The following FAR2 variants were observed in gnomAD, a reference collection of about 807,000 sequenced individuals.
FAR2 encodes fatty acyl-CoA reductase 2, also known as epididymis secretory protein Li 81.
A neutral mutation model predicts 56.0 loss-of-function variants in FAR2; 19 were observed. The ratio of observed to expected loss-of-function variants is 0.34; its 90% confidence interval spans 0.24 to 0.50. FAR2 has a LOEUF of 0.50. Among genes scored for constraint, FAR2 ranks in the 20% least tolerant of loss-of-function variants. The pLI, the probability that FAR2 is intolerant of heterozygous loss-of-function variation, is 0.98. For synonymous variants in FAR2, 219 were observed against 218.8 expected, an observed-to-expected ratio of 1.00 and a Z score of -0.01; for missense variants, 508 against 642.2, an observed-to-expected ratio of 0.79 and a Z score of 2.26.
At chr12:29,179,997 A>G (rs950015782) in intron 1 of FAR2, among the ~76,000 whole-genome samples, 1 of 152,332 alleles carries the variant, frequency 6.6e-6, no homozygotes, top group African/African-American at 2.4e-5. Flanking sequence ...TTGGGTGTTT[A>G]TCTCATATTT....
rs189984862 is a variant in FAR2, at chr12:29,168,361, G to T, written c.-39+18954G>T. Among the ~76,000 whole-genome samples, 3 of 152,194 alleles carry T rather than the reference G, an allele frequency of 2.0e-5. No individual in the cohort carries two copies. In the East Asian group the frequency reaches 5.8e-4, roughly 29 times the overall value. On this transcript the variant is annotated intron_variant, in intron 1 of 11. Transcript: ENST00000536681. ...ATATTTCTGGTCAGCTCATTTCTGG[G>T]GATGGAGAGCAGTGTGCTTACTGAC...
chr12:29,157,545 C>G (rs543277370), intron 1 of FAR2, among the ~76,000 whole-genome samples: 1 of 152,282 alleles, frequency 6.6e-6, no homozygotes, highest in East Asian at 1.9e-4. Flanking sequence ...ATCCTTCCAT[C>G]TTAGCTGGGA....
chr12:29,282,116 C>G (rs922328173), intron 2 of FAR2: 2 of 152,126 alleles, frequency 1.3e-5, no homozygotes, highest in Admixed American at 1.3e-4. Flanking sequence ...CCTTTACCCC[C>G]TCCCCCATAT....
chr12:29,313,235 A>G (rs1280718076), intron 8 of FAR2, among the ~76,000 whole-genome samples: 3 of 152,164 alleles, frequency 2.0e-5, no homozygotes, highest in African/African-American at 7.2e-5. Context: ...GTCGGTGAAC[A>G]TGGGATATCA....
chr12:29,333,659 T>C lies in FAR2; in HGVS notation c.1413T>C (p.Asn471=), dbSNP rs776560189. 2.5e-6 allele frequency: 4 copies of C among 1,613,850 alleles called. No homozygotes were observed. The highest frequency in any genetic ancestry group is 1.1e-5 in the South Asian group (1 of 91,056). Residue 471 remains asparagine, a synonymous_variant, in exon 12 of 12, where the codon AAT becomes AAC. Coordinates refer to ENST00000536681, the MANE Select transcript of FAR2 (RefSeq NM_001271783.2). ...TCCGAAATATTCACTACCTCTTTAA[T>C]ACTGCCCTCTTCCTTATCGCCTGGC... ...KRLRNIHYLF[N]TALFLIAWRL... is the part of the protein sequence containing the mutation.
intron 10 of FAR2, among the ~76,000 whole-genome samples, chr12:29,328,314 A>T (rs1223542771): frequency 6.6e-6 from 1 of 152,222 alleles, no homozygotes; most frequent in Non-Finnish European, 1.5e-5. Context: ...GTGGGACTGT[A>T]AACTAGTTCA....
chr12:29,212,382 A>G (rs1417236704), intron 1 of FAR2, among the ~76,000 whole-genome samples: 1 of 152,118 alleles, frequency 6.6e-6, no homozygotes, highest in African/African-American at 2.4e-5. Context: ...CCACTCCATG[A>G]TTGTGACCTC....
chr12:29,333,162 CT>C (rs1197490550), intron 11 of FAR2: 1 of 325,610 alleles, frequency 3.1e-6, no homozygotes, highest in Non-Finnish European at 5.9e-6. Flanking sequence ...GTCGTAATCC[CT>C]GAGGGACAAG....
At chr12:29,272,935 A>G (rs543804265) in intron 2 of FAR2, among the ~76,000 whole-genome samples, 5 of 152,118 alleles carry the variant, frequency 3.3e-5, no homozygotes, top group Admixed American at 1.3e-4. Context: ...CATTCGCTTC[A>G]GGCCTTATTC....
intron 1 of FAR2, among the ~76,000 whole-genome samples, chr12:29,241,885 G>A (rs1019444285): frequency 6.6e-6 from 1 of 152,140 alleles, no homozygotes; most frequent in Non-Finnish European, 1.5e-5. Flanking sequence ...CACCCCCTGG[G>A]TGCGTGCATC....
chr12:29,235,666 C>T (rs2039558253), intron 1 of FAR2, among the ~76,000 whole-genome samples: 1 of 152,184 alleles, frequency 6.6e-6, no homozygotes, highest in African/African-American at 2.4e-5. Context: ...TTAGAGTGTG[C>T]CCTGGCCCAT....
intron 1 of FAR2, among the ~76,000 whole-genome samples, chr12:29,246,272 A>G (rs1948126402): frequency 6.6e-6 from 1 of 152,058 alleles, no homozygotes; most frequent in African/African-American, 2.4e-5. Flanking sequence ...ATTTGTTTCA[A>G]CTTTTAACAC....
At position 29,310,865 on chromosome 12, in the gene FAR2, T is replaced by C. The variant is rs908177975; in HGVS notation, c.769-163T>C. Reference sequence around the variant, plus strand: ...CATGCACTTGGCTGGGAAGGTAGGATAGGCTGAGGAAGTCAGACTTAGCAT... The same window carrying C: ...CATGCACTTGGCTGGGAAGGTAGGACAGGCTGAGGAAGTCAGACTTAGCAT... On this transcript the variant is annotated intron_variant, in intron 6 of 11. Coordinates refer to ENST00000536681, the MANE Select transcript of FAR2 (RefSeq NM_001271783.2). Among the ~76,000 whole-genome samples, 6 of 152,286 alleles carry C rather than the reference T, an allele frequency of 3.9e-5. 1 individual carries two copies. In the South Asian group the frequency reaches 8.3e-4, roughly 21 times the overall value.
intron 10 of FAR2, among the ~76,000 whole-genome samples, chr12:29,323,946 T>A (rs1949598962): frequency 6.6e-6 from 1 of 151,924 alleles, no homozygotes; most frequent in South Asian, 2.1e-4. Flanking sequence ...ATCAAATTAC[T>A]CTGAGCTAAA....
At chr12:29,151,430 A>T (rs752432468) in intron 1 of FAR2, 6 of 151,604 alleles carry the variant, frequency 4.0e-5, no homozygotes, top group Non-Finnish European at 7.4e-5. Context: ...AGCCTCCTAC[A>T]TTCTAGATGT....
intron 1 of FAR2, chr12:29,156,773 G>T (rs560496240): frequency 6.6e-6 from 1 of 152,004 alleles, no homozygotes; most frequent in Admixed American, 6.6e-5. Flanking sequence ...AATCTTTGGC[G>T]TGAGGATCCC....
chr12:29,328,201 T>C (rs1351416457), intron 10 of FAR2, among the ~76,000 whole-genome samples: 1 of 151,964 alleles, frequency 6.6e-6, no homozygotes, highest in Non-Finnish European at 1.5e-5. Flanking sequence ...AAAACCACAA[T>C]GAGATACCAT....
At chr12:29,195,236 T>G (rs1023339257) in intron 1 of FAR2, among the ~76,000 whole-genome samples, 2 of 152,236 alleles carry the variant, frequency 1.3e-5, no homozygotes, top group African/African-American at 4.8e-5. Context: ...TTCAGGTTAG[T>G]AAATCTCATC....
intron 1 of FAR2, among the ~76,000 whole-genome samples, chr12:29,217,053 A>G (rs1343736255): frequency 6.6e-6 from 1 of 152,254 alleles, no homozygotes; most frequent in Non-Finnish European, 1.5e-5. Flanking sequence ...GCTCTTTAGT[A>G]TAACTTACCC....
Sources: gnomAD v4.1 joint callset for allele counts (sites outside exome capture counted in the v4.1 genomes callset) on GRCh38, gnomAD v4.1.1 for gene constraint, MANE v1.5 for transcripts, NCBI Gene and HGNC (gene_info 2026-07-23, HGNC 2026-07-21) for gene names.